The following DEGS2 variants were observed in gnomAD, a reference collection of about 807,000 sequenced individuals.
DEGS2 encodes the protein delta 4-desaturase, sphingolipid 2, also known as sphingolipid delta(4)-desaturase/C4-monooxygenase DES2.
In DEGS2, 19 loss-of-function variants were observed where a neutral mutation model predicts 23.8. The observed-to-expected ratio is 0.80, with a 90% CI of 0.56 to 1.17. DEGS2 has a LOEUF of 1.17. Among genes scored for constraint, DEGS2 ranks in the 50% most tolerant of loss-of-function variants. DEGS2 has a pLI of 0.00. For synonymous variants in DEGS2, 218 were observed against 213.7 expected (o/e 1.02, Z -0.18); for missense variants, 390 against 459.5 (o/e 0.85, Z 1.38).
intron 1 of DEGS2, among the ~76,000 whole-genome samples, chr14:100,158,321 G>A: frequency 6.6e-6 from 1 of 152,040 alleles, no homozygotes; most frequent in Non-Finnish European, 1.5e-5. Context: ...TGAGGTAGGA[G>A]GATCAGTTGA....
intron 1 of DEGS2, among the ~76,000 whole-genome samples, chr14:100,158,771 C>T (rs60337468): frequency 6.6e-6 from 1 of 152,134 alleles, no homozygotes; most frequent in East Asian, 1.9e-4. Flanking sequence ...GCCCTTTAAC[C>T]CCGTAAGCCC....
At chr14:100,148,420 C>G (rs537707145) in intron 2 of DEGS2, among the ~76,000 whole-genome samples, 3 of 152,192 alleles carry the variant, frequency 2.0e-5, no homozygotes, top group Non-Finnish European at 2.9e-5. Context: ...GGCTGAGGGA[C>G]GGCTCCTCCT....
chr14:100,146,838 C>A lies in DEGS2; in HGVS notation c.895G>T (p.Asp299Tyr). The A allele has an allele frequency of 6.2e-7, 1 of 1,613,852 alleles. No individual in the cohort carries two copies. The change falls in exon 3 of 3, where the codon GAT (aspartate) becomes TAT (tyrosine). Residue 299 changes from aspartate to tyrosine, a missense_variant. Asp to Tyr is a radical substitution (Grantham distance 160). Coordinates refer to ENST00000305631, the MANE Select transcript of DEGS2 (RefSeq NM_206918.3). ...QHHSWVKVLW[D>Y]FVFEDSLGPY... is the part of the protein sequence containing the mutation. ...CCCAGGGAGTCCTCAAACACAAAAT[C>A]CCAGAGCACCTTCACCCAGGAGTGG...
At chr14:100,162,265 G>A (rs1889757993), upstream of DEGS2, among the ~76,000 whole-genome samples, 1 of 151,920 alleles carries the variant, frequency 6.6e-6, no homozygotes, top group Non-Finnish European at 1.5e-5. Context: ...AGAATGGCAT[G>A]AACCCGGGAG....
At chr14:100,165,221 A>C in the DEGS2 span, among the ~76,000 whole-genome samples, 1 of 152,128 alleles carries the variant, frequency 6.6e-6, no homozygotes, top group Non-Finnish European at 1.5e-5. Flanking sequence ...GGTATCAGAC[A>C]ACTCCGGACA....
In DEGS2 at chr14:100,145,477, A is replaced by C. The variant is rs545256586; in HGVS notation, c.*1284T>G. On this transcript the variant is annotated 3_prime_UTR_variant, in exon 3 of 3. Coordinates refer to ENST00000305631, the MANE Select transcript of DEGS2 (RefSeq NM_206918.3). ...GCGCTGTGCGGGGCCACTCCCAGGT[A>C]TAGGGGGAGACCTGCATCTCCCAGG... 1 of 152,338 alleles carries C rather than the reference A, an allele frequency of 6.6e-6. No individual in the cohort carries two copies. The highest frequency in any genetic ancestry group is 2.1e-4 in the South Asian group (1 of 4,834). 9.4% of individuals were successfully genotyped at this position (152,338 alleles called of 1,614,324 possible). A position where few individuals can be genotyped will look rare whatever the true frequency, so the allele number is the denominator to read the frequency against.
upstream of DEGS2, among the ~76,000 whole-genome samples, chr14:100,160,988 C>T (rs2140427824): frequency 2.6e-5 from 4 of 152,324 alleles, no homozygotes; most frequent in South Asian, 8.3e-4. Flanking sequence ...GGGCAGCCTG[C>T]TCTGTTCCCA....
chr14:100,146,601 C>G lies in DEGS2; in HGVS notation c.*160G>C, dbSNP rs1889448604. The G allele has an allele frequency of 9.5e-7, 1 of 1,051,098 alleles. No homozygotes were observed. The highest frequency in any genetic ancestry group is 1.6e-5 in the African/African-American group (1 of 62,510). 65.1% of individuals were successfully genotyped at this position (1,051,098 alleles called of 1,614,324 possible). ...AAGTCCACGTGCAGACGGAGCCCTGCAGCCCACACTGCTGTTGCCAGGTGT... is the reference window on the plus strand; with the variant it reads ...AAGTCCACGTGCAGACGGAGCCCTGGAGCCCACACTGCTGTTGCCAGGTGT... On this transcript the variant is annotated 3_prime_UTR_variant, in exon 3 of 3. Transcript: ENST00000305631.
intron 1 of DEGS2, among the ~76,000 whole-genome samples, chr14:100,156,071 CCAACCCACAGAG>C: frequency 6.6e-6 from 1 of 152,228 alleles, no homozygotes. Context: ...GACTTTGGCC[CCAACCCACAGAG>C]CTCCTGGAGC....
chr14:100,153,776 C>T (rs1400121582), intron 1 of DEGS2, among the ~76,000 whole-genome samples: 1 of 152,256 alleles, frequency 6.6e-6, no homozygotes, highest in Non-Finnish European at 1.5e-5. Flanking sequence ...CAGACCCACA[C>T]AGACGGTTTC....
chr14:100,156,837 C>T (rs1427286133), intron 1 of DEGS2, among the ~76,000 whole-genome samples: 1 of 152,122 alleles, frequency 6.6e-6, no homozygotes, highest in African/African-American at 2.4e-5. Flanking sequence ...GGGGGAACAG[C>T]TTGTGCCGGG....
In DEGS2 at chr14:100,144,780, G is replaced by A. The variant is rs1889406899; in HGVS notation, c.*1981C>T. ...GATCCTGTGACCACTCATGCCCCCA[G>A]TTCTCCCACATGACCTCCTGCAGCC... On this transcript the variant is annotated 3_prime_UTR_variant, in exon 3 of 3. Transcript: ENST00000305631. The A allele has an allele frequency of 6.6e-6, 1 of 152,344 alleles. No individual in the cohort carries two copies. Among genetic ancestry groups the A allele is most frequent in the Non-Finnish European group, 1.5e-5 (1 of 68,124 alleles). 9.4% of individuals were successfully genotyped at this position (152,344 alleles called of 1,614,324 possible).
chr14:100,165,062 G>C, the DEGS2 span, among the ~76,000 whole-genome samples: 2 of 152,146 alleles, frequency 1.3e-5, no homozygotes, highest in South Asian at 4.2e-4. Flanking sequence ...TGTGTCCTGG[G>C]GCCTAGCTGA....
upstream of DEGS2, among the ~76,000 whole-genome samples, chr14:100,162,175 G>A (rs1889756552): frequency 1.3e-5 from 2 of 150,946 alleles, no homozygotes; most frequent in South Asian, 2.1e-4. Flanking sequence ...GTGAAACCCC[G>A]TCTCTACTAA....
chr14:100,160,478 T>C (rs1307857210), upstream of DEGS2, among the ~76,000 whole-genome samples: 1 of 152,188 alleles, frequency 6.6e-6, no homozygotes, highest in African/African-American at 2.4e-5. Flanking sequence ...CTGAATGTTC[T>C]CAAATGGAAA....
intron 1 of DEGS2, among the ~76,000 whole-genome samples, chr14:100,155,889 G>T (rs1889648967): frequency 6.6e-6 from 1 of 151,962 alleles, no homozygotes; most frequent in South Asian, 2.1e-4. Flanking sequence ...CCCAGAGCTT[G>T]CCTCTTACTC....
rs569277434 is a variant in DEGS2, at chr14:100,150,952, C to G, written c.83-1242G>C. ...TGGGGCCTCCGGAGCCACTGGGACC[C>G]CAGAAACAGGCACTGGGCTGGCCCA... On this transcript the variant is annotated intron_variant, in intron 1 of 2. Transcript: ENST00000305631. Among the ~76,000 whole-genome samples the G allele has an allele frequency of 1.2e-4, 18 of 152,332 alleles. No individual in the cohort carries two copies. The South Asian group carries it at 2.1e-3, about 18-fold the overall frequency.
In DEGS2 at chr14:100,146,658, C is replaced by CAGCAGTCCAGAGCACAGGAAGGAAATGT. The variant is rs1453997722; in HGVS notation, c.*75_*102dup. The CAGCAGTCCAGAGCACAGGAAGGAAATGT allele has an allele frequency of 5.1e-5, 76 of 1,494,178 alleles. No individual in the cohort carries two copies. Among genetic ancestry groups the CAGCAGTCCAGAGCACAGGAAGGAAATGT allele is most frequent in the Non-Finnish European group, 6.4e-5 (71 of 1,112,442 alleles). 92.6% of individuals were successfully genotyped at this position (1,494,178 alleles called of 1,614,324 possible). A position where few individuals can be genotyped will look rare whatever the true frequency, so the allele number is the denominator to read the frequency against. ...GCGGGACACTCCTCGGGGACAAGGG[C>CAGCAGTCCAGAGCACAGGAAGGAAATGT]AGCAGTCCAGAGCACAGGAAGGAAA... is the stretch of plus-strand genomic sequence containing the variant. On this transcript the variant is annotated 3_prime_UTR_variant, in exon 3 of 3. Transcript: ENST00000305631.
At chr14:100,150,240 C>CT (rs1339018772) in intron 1 of DEGS2, among the ~76,000 whole-genome samples, 1 of 152,176 alleles carries the variant, frequency 6.6e-6, no homozygotes, top group African/African-American at 2.4e-5. Flanking sequence ...GCAAAGTCCC[C>CT]TTTGTGTGTC....
Sources: allele counts gnomAD v4.1 joint callset (sites outside exome capture counted in the v4.1 genomes callset), GRCh38; gene constraint gnomAD v4.1.1; transcripts MANE v1.5; gene names NCBI Gene and HGNC (gene_info 2026-07-23, HGNC 2026-07-21).